The following PREX1 variants were observed in gnomAD, a reference collection of about 807,000 sequenced individuals.
PREX1 encodes the protein phosphatidylinositol 3,4,5-trisphosphate-dependent Rac exchanger 1 protein.
In PREX1, 41 loss-of-function variants were observed where a neutral mutation model predicts 198.3. That is an observed-to-expected ratio of 0.21 (90% CI 0.16 to 0.27). PREX1 has a LOEUF of 0.27. Among genes scored for constraint, PREX1 ranks in the 10% least tolerant of loss-of-function variants. The pLI is 1.00. For synonymous variants in PREX1, 843 were observed against 887.2 expected (o/e 0.95, Z 0.89); for missense variants, 1,620 against 2,200.7 (o/e 0.74, Z 5.28).
At position 48,645,546 on chromosome 20, in the gene PREX1, C is replaced by G. The variant is rs146852027; in HGVS notation, c.3512+305G>C. Among the ~76,000 whole-genome samples the G allele has an allele frequency of 5.0e-3, 757 of 152,304 alleles. 10 individuals are homozygous for G. Among genetic ancestry groups the G allele is most frequent in the South Asian group, 0.016 (79 of 4,828 alleles). ...GTCTTACACTGAGTTTGCAAACACA[C>G]CACAGAATCTTGCCCTTGTGCCTGA... On this transcript the variant is annotated intron_variant, in intron 26 of 39. Coordinates refer to ENST00000371941, the MANE Select transcript of PREX1 (RefSeq NM_020820.4).
intron 1 of PREX1, among the ~76,000 whole-genome samples, chr20:48,805,604 A>G (rs932743927): frequency 1.3e-5 from 2 of 152,184 alleles, no homozygotes; most frequent in South Asian, 2.1e-4. Flanking sequence ...CACCACACAC[A>G]GGGCTGGGTC....
the PREX1 span, among the ~76,000 whole-genome samples, chr20:48,840,189 A>AT: frequency 6.6e-6 from 1 of 151,828 alleles, no homozygotes; most frequent in East Asian, 1.9e-4. Context: ...TAATTTTTGT[A>AT]TTTTTTGTAA....
intron 13 of PREX1, among the ~76,000 whole-genome samples, chr20:48,676,475 C>T (rs1312659344): frequency 1.3e-5 from 2 of 152,208 alleles, no homozygotes; most frequent in African/African-American, 4.8e-5. Context: ...GGCCTCCTTC[C>T]ACCTACAGAG....
At chr20:48,883,231 G>A in the PREX1 span, among the ~76,000 whole-genome samples, 1 of 152,080 alleles carries the variant, frequency 6.6e-6, no homozygotes, top group South Asian at 2.1e-4. Flanking sequence ...ACCGTGCCTG[G>A]CCCATTGTCT....
chr20:48,719,995 C>T (rs560428756), intron 5 of PREX1, among the ~76,000 whole-genome samples: 95 of 152,318 alleles, frequency 6.2e-4, no homozygotes, highest in Admixed American at 2.4e-3. Flanking sequence ...TACTCCCTCG[C>T]TCTCTCCCTA....
rs182845337 is a variant in PREX1 at position 48,713,189 on chromosome 20, C to A, written c.622-4768G>T. ...AACACAAGCCAGGCATGGTGGCTCA[C>A]GCCTGTGATCCCAGCACTTTGGGAA... On this transcript the variant is annotated intron_variant, in intron 5 of 39. Coordinates refer to ENST00000371941, the MANE Select transcript of PREX1 (RefSeq NM_020820.4). Among the ~76,000 whole-genome samples the A allele has an allele frequency of 1.8e-3, 269 of 152,046 alleles. 1 individual carries two copies. The highest frequency in any genetic ancestry group is 6.8e-3 in the Middle Eastern group (2 of 294).
Position 48,644,497 on chromosome 20 carries a change from G to T in PREX1, c.3513C>A (p.Ser1171Arg). The change falls in exon 27 of 40, where the codon AGC becomes AGA. Residue 1171 changes from serine to arginine, a missense_variant and splice_region_variant. Physicochemically the swap from Ser to Arg is moderately radical, Grantham distance 110. Around this residue, in one of 7 missense-constraint regions of PREX1, gnomAD observed 29 missense variants for 26.1 expected, o/e 1.11. Coordinates refer to ENST00000371941, the MANE Select transcript of PREX1 (RefSeq NM_020820.4). ...CCGAGTCTCGATTGCTGTTACACTCGCTGCAAAGGGGCCCAGAGAAGGGGC... is the reference window on the plus strand; with the variant it reads ...CCGAGTCTCGATTGCTGTTACACTCTCTGCAAAGGGGCCCAGAGAAGGGGC... ...HDTMSYRDSYSECNSNRDSVL... is the reference protein window; with the variant it reads ...HDTMSYRDSYRECNSNRDSVL... The T allele has an allele frequency of 6.2e-7, 1 of 1,612,724 alleles. No individual in the cohort carries two copies.
chr20:48,835,641 T>C, the PREX1 span, among the ~76,000 whole-genome samples: 1 of 152,136 alleles, frequency 6.6e-6, no homozygotes, highest in Non-Finnish European at 1.5e-5. Context: ...TGTCCACTTG[T>C]TCAAGGAACA....
rs2089480273 is a variant in PREX1 at position 48,649,981 on chromosome 20, G to A, written c.3028+15C>T. On this transcript the variant is annotated intron_variant, in intron 24 of 39. Transcript: ENST00000371941. ...CAACATCTGAACACAGTTTCTAATAGACACACACAGGTACCTTGCTCCGGG... is the reference window on the plus strand; with the variant it reads ...CAACATCTGAACACAGTTTCTAATAAACACACACAGGTACCTTGCTCCGGG... 1.9e-6 allele frequency: 3 copies of A among 1,612,054 alleles called. No individual in the cohort carries two copies. Among genetic ancestry groups the A allele is most frequent in the Non-Finnish European group, 2.5e-6 (3 of 1,178,372 alleles).
In PREX1 at chr20:48,653,408, C is replaced by A; in HGVS notation, c.2299G>T (p.Val767Phe). Residue 767 changes from valine to phenylalanine, a missense_variant, in exon 20 of 40, where the codon GTC (valine) becomes TTC (phenylalanine). Val to Phe is a conservative substitution (Grantham distance 50, BLOSUM62 -1). Transcript: ENST00000371941. The part of the protein sequence containing the change: ...SNVMNDGAPE[V>F]LEHFQAFRSR... ...CGGAATGCCTGGAAGTGCTCCAGGA[C>A]CTCAGGGGCACCATCGTTCATCACG... is the stretch of plus-strand genomic sequence containing the variant. 19 of 1,614,026 alleles carry A rather than the reference C, an allele frequency of 1.2e-5. No homozygotes were observed. Among genetic ancestry groups the A allele is most frequent in the Non-Finnish European group, 1.6e-5 (19 of 1,180,000 alleles).
chr20:48,666,383 T>A lies in PREX1; in HGVS notation c.1666-28A>T. ...GGAATGGAACAAGAAGGGGAGGGTG[T>A]TAGGTGGCAGCATCCGAGAGGCCAT... On this transcript the variant is annotated intron_variant, in intron 14 of 39. Coordinates refer to ENST00000371941, the MANE Select transcript of PREX1 (RefSeq NM_020820.4). The surrounding 1 kb of genome is among the most constrained non-coding windows in gnomAD (Gnocchi z 4.3). The A allele has an allele frequency of 6.5e-7, 1 of 1,533,784 alleles. No homozygotes were observed. The highest frequency in any genetic ancestry group is 8.8e-7 in the Non-Finnish European group (1 of 1,135,168).
rs1264998313 is a variant in PREX1, at chr20:48,632,512, T to C, written c.4395A>G (p.Thr1465=). 1 of 1,614,084 alleles carries C rather than the reference T, an allele frequency of 6.2e-7. No individual in the cohort carries two copies. ...GAAGCTCACCTTTCGTGAACAGCGC[T>C]GTGTGCAGCCTCAGGCTGGCCCCAC... is the stretch of plus-strand genomic sequence containing the variant. The part of the protein sequence containing the change: ...LEGGASLRLH[T]ALFTKVLENV... The change falls in exon 34 of 40, where the codon ACA becomes ACG. Residue 1465 remains threonine, a synonymous_variant. Transcript: ENST00000371941.
intron 2 of PREX1, 109 bp downstream of exon 2, chr20:48,747,700 G>A (rs573725456): frequency 3.7e-5 from 46 of 1,245,848 alleles, no homozygotes; most frequent in Admixed American, 1.0e-4. Context: ...AGCAGCCAGC[G>A]GGTGATGCGC....
intron 5 of PREX1, among the ~76,000 whole-genome samples, chr20:48,712,455 C>T (rs1361877199): frequency 1.3e-5 from 2 of 152,210 alleles, no homozygotes; most frequent in Admixed American, 6.5e-5. Context: ...CATGGCACCC[C>T]TCTGATGGGC....
intron 1 of PREX1, among the ~76,000 whole-genome samples, chr20:48,753,744 C>T (rs1281900676): frequency 6.6e-6 from 1 of 152,168 alleles, no homozygotes; most frequent in Non-Finnish European, 1.5e-5. Flanking sequence ...TCCAGGCCTT[C>T]GCACGTGCTG....
chr20:48,805,861 C>T (rs1170671528), intron 1 of PREX1, among the ~76,000 whole-genome samples: 1 of 152,208 alleles, frequency 6.6e-6, no homozygotes, highest in African/African-American at 2.4e-5. Flanking sequence ...AACACCTCTC[C>T]AAGCTTCAAT....
At chr20:48,730,019 A>G (rs2090027793) in intron 4 of PREX1, among the ~76,000 whole-genome samples, 1 of 152,178 alleles carries the variant, frequency 6.6e-6, no homozygotes, top group Non-Finnish European at 1.5e-5. Flanking sequence ...GCCAGGGAGC[A>G]CCGACGGCCG....
the PREX1 span, among the ~76,000 whole-genome samples, chr20:48,851,072 C>G: frequency 6.6e-6 from 1 of 152,228 alleles, no homozygotes; most frequent in African/African-American, 2.4e-5. Context: ...CAGCCACACT[C>G]CTTTGTTTAC....
intron 1 of PREX1, among the ~76,000 whole-genome samples, chr20:48,797,525 CT>C (rs1191740621): frequency 1.3e-5 from 2 of 152,124 alleles, no homozygotes; most frequent in African/African-American, 4.8e-5. Context: ...ACCCAGCTCT[CT>C]CTCCCCTCCC....
Sources: allele counts gnomAD v4.1 joint callset (sites outside exome capture counted in the v4.1 genomes callset), GRCh38; gene constraint gnomAD v4.1.1; regional missense constraint gnomAD v4.1.1; non-coding constraint Gnocchi (gnomAD v3.1); transcripts MANE v1.5; gene names NCBI Gene and HGNC (gene_info 2026-07-23, HGNC 2026-07-21).